Variants in KCNQ1OT1 observed in about 807,000 individuals in gnomAD.
The protein encoded by KCNQ1OT1 is KCNQ1 antisense RNA 2 (non-protein coding).
Position 2,661,469 on chromosome 11 carries a change from C to T in KCNQ1OT1, n.38526G>A, listed in dbSNP as rs944211786. 9.2e-6 allele frequency: 4 copies of T among 437,140 alleles called. No individual in the cohort carries two copies. The highest frequency in any genetic ancestry group is 1.6e-5 in the Non-Finnish European group (4 of 248,630). The allele number at this position is 437,140 out of a possible 1,614,324, so 27.1% of individuals were successfully genotyped here. ...GTGTTTTGAGGAAGGAGTTCTGTGG[C>T]TGCCCCCACCTCCCAGGCTTGCCAT... On this transcript the variant is annotated non_coding_transcript_exon_variant, in exon 1 of 1. Transcript: ENST00000597346. The surrounding 1 kb of genome is among the most constrained non-coding windows in gnomAD (Gnocchi z 5.9).
At chr11:2,660,026 C>T (rs1344208131) in exon 1 of KCNQ1OT1, 1 of 398,304 alleles carries the variant, frequency 2.5e-6, no homozygotes, top group Non-Finnish European at 4.4e-6. Flanking sequence ...TGTTGCACAG[C>T]AAAAGCTTTT....
chr11:2,682,905 G>A lies in KCNQ1OT1; in HGVS notation n.17090C>T, dbSNP rs1850422726. 2.5e-6 allele frequency: 1 copy of A among 398,476 alleles called. No individual in the cohort carries two copies. The highest frequency in any genetic ancestry group is 1.3e-4 in the South Asian group (1 of 7,846). The allele number at this position is 398,476 out of a possible 1,614,324, so 24.7% of individuals were successfully genotyped here. Reference sequence around the variant, plus strand: ...TAGCAGATGTTCCCAGACAGAAAATGGTGGCACCTGGAGAGGTGCTCAGGT... The same window carrying A: ...TAGCAGATGTTCCCAGACAGAAAATAGTGGCACCTGGAGAGGTGCTCAGGT... On this transcript the variant is annotated non_coding_transcript_exon_variant, in exon 1 of 1. Transcript: ENST00000597346. The surrounding 1 kb of genome is among the most constrained non-coding windows in gnomAD (Gnocchi z 5.8).
exon 1 of KCNQ1OT1, chr11:2,619,794 G>A (rs766390864): frequency 4.0e-5 from 16 of 397,676 alleles, no homozygotes; most frequent in Non-Finnish European, 7.1e-5. Context: ...TGAATATTGG[G>A]TAGTATTCAG....
chr11:2,645,227 C>A lies in KCNQ1OT1; in HGVS notation n.54768G>T, dbSNP rs935206874. 1 of 398,644 alleles carries A rather than the reference C, an allele frequency of 2.5e-6. No individual in the cohort carries two copies. The highest frequency in any genetic ancestry group is 4.4e-6 in the Non-Finnish European group (1 of 226,146). The allele number at this position is 398,644 out of a possible 1,614,324, so 24.7% of individuals were successfully genotyped here. A position where few individuals can be genotyped will look rare whatever the true frequency, so the allele number is the denominator to read the frequency against. The stretch of plus-strand genomic sequence containing the variant: ...AGCTTGTCCCAAGGCCCACAGGTGG[C>A]AAATTCAAGTGAATGCCAGTTGTGG... On this transcript the variant is annotated non_coding_transcript_exon_variant, in exon 1 of 1. Coordinates refer to ENST00000597346, the Ensembl canonical transcript of KCNQ1OT1. The surrounding 1 kb of genome is among the most constrained non-coding windows in gnomAD (Gnocchi z 5.8).
At position 2,651,686 on chromosome 11, in the gene KCNQ1OT1, T is replaced by C; in HGVS notation, n.48309A>G. ...TGACATTAGCCACGTGGCCCTCTGT[T>C]TCCTGTAATAGGCCATTTCCTAAGT... On this transcript the variant is annotated non_coding_transcript_exon_variant, in exon 1 of 1. Transcript: ENST00000597346. The surrounding 1 kb of genome is among the most constrained non-coding windows in gnomAD (Gnocchi z 6.1). The C allele has an allele frequency of 2.5e-6, 1 of 398,632 alleles. No individual in the cohort carries two copies. Among genetic ancestry groups the C allele is most frequent in the Non-Finnish European group, 4.4e-6 (1 of 226,080 alleles). 24.7% of individuals were successfully genotyped at this position (398,632 alleles called of 1,614,324 possible). A position where few individuals can be genotyped will look rare whatever the true frequency, so the allele number is the denominator to read the frequency against.
At chr11:2,666,946 G>C (rs1850082795) in exon 1 of KCNQ1OT1, 1 of 398,754 alleles carries the variant, frequency 2.5e-6, no homozygotes, top group South Asian at 1.3e-4. Flanking sequence ...CTGTCTGCAC[G>C]AGATGCCAAG....
At position 2,663,087 on chromosome 11, in the gene KCNQ1OT1, A is replaced by T. The variant is rs552569976; in HGVS notation, n.36908T>A. On this transcript the variant is annotated non_coding_transcript_exon_variant, in exon 1 of 1. Coordinates refer to ENST00000597346, the Ensembl canonical transcript of KCNQ1OT1. The surrounding 1 kb of genome is among the most constrained non-coding windows in gnomAD (Gnocchi z 5.2). ...AGGGTTGGGTAGCCAGAATGAGGCC[A>T]CCTCCAGGGAAGGAGTGGCTATCTT... 3 of 398,596 alleles carry T rather than the reference A, an allele frequency of 7.5e-6. No homozygotes were observed. The highest frequency in any genetic ancestry group is 6.2e-5 in the African/African-American group (3 of 48,714). 24.7% of individuals were successfully genotyped at this position (398,596 alleles called of 1,614,324 possible). A position where few individuals can be genotyped will look rare whatever the true frequency, so the allele number is the denominator to read the frequency against.
In KCNQ1OT1 at chr11:2,621,610, CA is replaced by C. The variant is rs1849173618; in HGVS notation, n.78384del. ...CTTTCTATTCCTGATTTAATCTTAG[CA>C]GGTTGGTTTTTTTCTAGGAATTTGT... On this transcript the variant is annotated non_coding_transcript_exon_variant, in exon 1 of 1. Transcript: ENST00000597346. This position sits in a 1 kb window ranked among gnomAD's most constrained non-coding sequence, Gnocchi z 5.7. 2.5e-6 allele frequency: 1 copy of C among 398,458 alleles called. No homozygotes were observed. 24.7% of individuals were successfully genotyped at this position (398,458 alleles called of 1,614,324 possible).
chr11:2,634,320 TCCCCCCTC>T lies in KCNQ1OT1; in HGVS notation n.65667_65674del, dbSNP rs781391536. 151 of 165,072 alleles carry T rather than the reference TCCCCCCTC, an allele frequency of 9.1e-4. 1 individual carries two copies. Among genetic ancestry groups the T allele is most frequent in the African/African-American group, 1.9e-3 (40 of 20,638 alleles). 10.2% of individuals were successfully genotyped at this position (165,072 alleles called of 1,614,324 possible). On this transcript the variant is annotated non_coding_transcript_exon_variant, in exon 1 of 1. Coordinates refer to ENST00000597346, the Ensembl canonical transcript of KCNQ1OT1. The stretch of plus-strand genomic sequence containing the variant: ...ATCTCCTAATGCTTTCCCTCCCCCC[TCCCCCCTC>T]CCCCCCCACCCCACAACAGGCCCTG...
chr11:2,676,859 T>G lies in KCNQ1OT1; in HGVS notation n.23136A>C. ...TGTAATGACACCTGTCAGCTTTGAC[T>G]GGGGAGCCCTTTCATTTCTTAGTAA... On this transcript the variant is annotated non_coding_transcript_exon_variant, in exon 1 of 1. Coordinates refer to ENST00000597346, the Ensembl canonical transcript of KCNQ1OT1. The surrounding 1 kb of genome is among the most constrained non-coding windows in gnomAD (Gnocchi z 4.2). 2.5e-6 allele frequency: 1 copy of G among 398,652 alleles called. No individual in the cohort carries two copies. The highest frequency in any genetic ancestry group is 4.4e-6 in the Non-Finnish European group (1 of 226,068). 24.7% of individuals were successfully genotyped at this position (398,652 alleles called of 1,614,324 possible).
chr11:2,653,334 T>C lies in KCNQ1OT1; in HGVS notation n.46661A>G, dbSNP rs1392920983. The C allele has an allele frequency of 3.8e-5, 15 of 398,588 alleles. No individual in the cohort carries two copies. The highest frequency in any genetic ancestry group is 6.2e-5 in the Non-Finnish European group (14 of 226,134). 24.7% of individuals were successfully genotyped at this position (398,588 alleles called of 1,614,324 possible). A position where few individuals can be genotyped will look rare whatever the true frequency, so the allele number is the denominator to read the frequency against. On this transcript the variant is annotated non_coding_transcript_exon_variant, in exon 1 of 1. Transcript: ENST00000597346. This position sits in a 1 kb window ranked among gnomAD's most constrained non-coding sequence, Gnocchi z 5.3. The stretch of plus-strand genomic sequence containing the variant: ...GTAACCTTGACTGCCCCCAGGCCCA[T>C]GTCCGTAGGCTCACACCTCACCCCC...
exon 1 of KCNQ1OT1, chr11:2,655,842 CT>C (rs1161249205): frequency 2.5e-6 from 1 of 398,578 alleles, no homozygotes; most frequent in African/African-American, 2.1e-5. Context: ...ATAACCTCTC[CT>C]CTTGAATTGG....
chr11:2,683,218 G>C lies in KCNQ1OT1; in HGVS notation n.16777C>G, dbSNP rs966822862. 2.5e-6 allele frequency: 1 copy of C among 398,554 alleles called. No individual in the cohort carries two copies. Among genetic ancestry groups the C allele is most frequent in the Non-Finnish European group, 4.4e-6 (1 of 226,102 alleles). The allele number at this position is 398,554 out of a possible 1,614,324, so 24.7% of individuals were successfully genotyped here. ...CAGCTCATGCATTGTGATGGAACTA[G>C]AGGTGAGATACAGAGCAGGAGTCCA... On this transcript the variant is annotated non_coding_transcript_exon_variant, in exon 1 of 1. Transcript: ENST00000597346. This position sits in a 1 kb window ranked among gnomAD's most constrained non-coding sequence, Gnocchi z 4.7.
chr11:2,666,177 A>G (rs945825729), exon 1 of KCNQ1OT1: 4 of 398,504 alleles, frequency 1.0e-5, no homozygotes, highest in Non-Finnish European at 1.8e-5. Flanking sequence ...CGAGGTTAAC[A>G]GATACCGCCC....
Position 2,663,004 on chromosome 11 carries a change from C to A in KCNQ1OT1, n.36991G>T. On this transcript the variant is annotated non_coding_transcript_exon_variant, in exon 1 of 1. Coordinates refer to ENST00000597346, the Ensembl canonical transcript of KCNQ1OT1. This position sits in a 1 kb window ranked among gnomAD's most constrained non-coding sequence, Gnocchi z 5.2. ...AGGTGCAAGGCCTGGCCTTGCAAATCACTGAGGAAATCGGGACCCATGGTG... is the reference window on the plus strand; with the variant it reads ...AGGTGCAAGGCCTGGCCTTGCAAATAACTGAGGAAATCGGGACCCATGGTG... The A allele has an allele frequency of 2.5e-6, 1 of 398,730 alleles. No homozygotes were observed. Among genetic ancestry groups the A allele is most frequent in the South Asian group, 1.3e-4 (1 of 7,848 alleles). The allele number at this position is 398,730 out of a possible 1,614,324, so 24.7% of individuals were successfully genotyped here.
exon 1 of KCNQ1OT1, chr11:2,685,449 T>A (rs955469042): frequency 5.0e-6 from 2 of 398,696 alleles, no homozygotes; most frequent in Non-Finnish European, 8.8e-6. Context: ...GAAGCCCTTA[T>A]CCAGAAGCCC....
rs1373253190 is a variant in KCNQ1OT1 at position 2,682,063 on chromosome 11, T to C, written n.17932A>G. 1 of 398,396 alleles carries C rather than the reference T, an allele frequency of 2.5e-6. No homozygotes were observed. The highest frequency in any genetic ancestry group is 2.1e-5 in the African/African-American group (1 of 48,566). The allele number at this position is 398,396 out of a possible 1,614,324, so 24.7% of individuals were successfully genotyped here. On this transcript the variant is annotated non_coding_transcript_exon_variant, in exon 1 of 1. Transcript: ENST00000597346. The surrounding 1 kb of genome is among the most constrained non-coding windows in gnomAD (Gnocchi z 5.8). ...TGTTTTATAGATAATCTCCTAAGGG[T>C]TGAGGGATTGAGTCTAGGGCCCAGG...
chr11:2,658,416 G>T lies in KCNQ1OT1; in HGVS notation n.41579C>A, dbSNP rs1849889635. The T allele has an allele frequency of 2.5e-6, 1 of 398,378 alleles. No homozygotes were observed. The highest frequency in any genetic ancestry group is 2.1e-5 in the African/African-American group (1 of 48,592). The allele number at this position is 398,378 out of a possible 1,614,324, so 24.7% of individuals were successfully genotyped here. On this transcript the variant is annotated non_coding_transcript_exon_variant, in exon 1 of 1. Transcript: ENST00000597346. The surrounding 1 kb of genome is among the most constrained non-coding windows in gnomAD (Gnocchi z 4.9). ...TATTATTTATTTTGTTGCTCAAATT[G>T]TTCAAGCTGTGGCCACTGGTGGGTT... is the stretch of plus-strand genomic sequence containing the variant.
chr11:2,689,993 G>A, exon 1 of KCNQ1OT1: 1 of 398,854 alleles, frequency 2.5e-6, no homozygotes, highest in Non-Finnish European at 4.4e-6. Context: ...CTTTGCCCAA[G>A]CAGAGAACTG....
Sources: allele counts gnomAD v4.1 joint callset, GRCh38; gene constraint gnomAD v4.1.1; non-coding constraint Gnocchi (gnomAD v3.1); transcripts MANE v1.5; gene names NCBI Gene and HGNC (gene_info 2026-07-23, HGNC 2026-07-21).